GALNTL6: variants seen among roughly 807,000 people sequenced by gnomAD.
GALNTL6 encodes polypeptide N-acetylgalactosaminyltransferase-like 6.
In GALNTL6, 46 loss-of-function variants were observed where a neutral mutation model predicts 73.7. The observed-to-expected ratio is 0.62, with a 90% CI of 0.49 to 0.80. The LOEUF is 0.80. Among genes scored for constraint, GALNTL6 ranks in the 30% least tolerant of loss-of-function variants. The pLI is 0.00. For missense variants in GALNTL6, 604 were observed against 755.0 expected (o/e 0.80, Z 2.34); for synonymous variants, 259 against 263.7 (o/e 0.98, Z 0.17).
intron 5 of GALNTL6, among the ~76,000 whole-genome samples, chr4:172,555,925 A>T (rs1369882677): frequency 1.3e-5 from 2 of 152,092 alleles, no homozygotes; most frequent in Non-Finnish European, 2.9e-5. Context: ...GCTAAATGCT[A>T]ACTATATTAT....
At chr4:171,951,334 T>C (rs1211587931) in intron 2 of GALNTL6, among the ~76,000 whole-genome samples, 3 of 152,052 alleles carry the variant, frequency 2.0e-5, no homozygotes, top group Admixed American at 6.6e-5. Context: ...ATGTAAGTAT[T>C]ATAATGCTTA....
chr4:172,009,870 C>T (rs1560883245), intron 2 of GALNTL6, among the ~76,000 whole-genome samples: 2 of 152,194 alleles, frequency 1.3e-5, no homozygotes, highest in Non-Finnish European at 2.9e-5. Flanking sequence ...GCCTGGGCAA[C>T]TTCACAAACC....
At chr4:172,067,334 G>T (rs1053620166) in intron 2 of GALNTL6, among the ~76,000 whole-genome samples, 1 of 151,684 alleles carries the variant, frequency 6.6e-6, no homozygotes, top group South Asian at 2.1e-4. Flanking sequence ...CCCTCTACTC[G>T]CCTCTTTCCT....
At chr4:172,489,798 T>G (rs1380285535) in intron 5 of GALNTL6, among the ~76,000 whole-genome samples, 1 of 152,230 alleles carries the variant, frequency 6.6e-6, no homozygotes, top group Non-Finnish European at 1.5e-5. Context: ...TAACACACAC[T>G]GATTTTCTGG....
In GALNTL6 at chr4:172,665,248, A is replaced by G. The variant is rs569191819; in HGVS notation, c.554-144113A>G. On this transcript the variant is annotated intron_variant, in intron 5 of 12. Transcript: ENST00000506823. ...TGTATCCATCGGATTAGGCTAGGGCATGCTGCGGGCCTCTGCTTATCAATC... is the reference window on the plus strand; with the variant it reads ...TGTATCCATCGGATTAGGCTAGGGCGTGCTGCGGGCCTCTGCTTATCAATC... Among the ~76,000 whole-genome samples the G allele has an allele frequency of 1.3e-4, 20 of 152,332 alleles. No individual in the cohort carries two copies. The East Asian group carries it at 3.7e-3, about 28-fold the overall frequency.
At chr4:172,791,580 G>C (rs1028516901) in intron 5 of GALNTL6, among the ~76,000 whole-genome samples, 11 of 152,204 alleles carry the variant, frequency 7.2e-5, no homozygotes, top group African/African-American at 2.7e-4. Context: ...TGCTCTAAGA[G>C]GGGTTGTGAG....
intron 5 of GALNTL6, among the ~76,000 whole-genome samples, chr4:172,790,405 C>G (rs1336296916): frequency 6.6e-6 from 1 of 152,268 alleles, no homozygotes; most frequent in East Asian, 1.9e-4. Context: ...AAATTTTTCT[C>G]TCTCTGCCCA....
chr4:172,168,154 C>T (rs1453384052), intron 2 of GALNTL6, among the ~76,000 whole-genome samples: 2 of 152,164 alleles, frequency 1.3e-5, no homozygotes. Context: ...AGTTTTAAGC[C>T]TTTGAGCCTT....
chr4:171,870,399 G>A (rs1736105876), intron 2 of GALNTL6, among the ~76,000 whole-genome samples: 1 of 152,182 alleles, frequency 6.6e-6, no homozygotes, highest in African/African-American at 2.4e-5. Context: ...ATGTACCCAT[G>A]CCCTTGATGA....
intron 6 of GALNTL6, among the ~76,000 whole-genome samples, chr4:172,812,681 T>C (rs1741378356): frequency 6.6e-6 from 1 of 152,076 alleles, no homozygotes; most frequent in African/African-American, 2.4e-5. Context: ...GGTTTAAAAT[T>C]GGATTGTTAA....
chr4:172,691,514 T>TA, intron 5 of GALNTL6, among the ~76,000 whole-genome samples: 1 of 152,320 alleles, frequency 6.6e-6, no homozygotes, highest in East Asian at 1.9e-4. Context: ...TAAATAATGT[T>TA]ACCTTAATAG....
chr4:172,080,189 T>C (rs1731835527), intron 2 of GALNTL6, among the ~76,000 whole-genome samples: 1 of 151,398 alleles, frequency 6.6e-6, no homozygotes, highest in African/African-American at 2.4e-5. Context: ...TTATTTAAAA[T>C]TTTTTCTTAG....
chr4:172,409,889 T>A (rs543222177), intron 5 of GALNTL6, among the ~76,000 whole-genome samples: 1 of 152,180 alleles, frequency 6.6e-6, no homozygotes, highest in South Asian at 2.1e-4. Context: ...TGAGCATCTA[T>A]AATGTGCTAA....
intron 5 of GALNTL6, among the ~76,000 whole-genome samples, chr4:172,733,348 T>A (rs1736264735): frequency 6.6e-6 from 1 of 152,198 alleles, no homozygotes; most frequent in African/African-American, 2.4e-5. Flanking sequence ...GCTTTTAGGA[T>A]CTTCTCTTTG....
intron 5 of GALNTL6, among the ~76,000 whole-genome samples, chr4:172,487,356 TTCC>T (rs1329736632): frequency 0.1 from 13,736 of 136,064 alleles, 823 homozygotes; most frequent in Non-Finnish European, 0.15. Flanking sequence ...CTTTCTTTCT[TTCC>T]TTCTTTCCTT....
chr4:171,826,481 C>T (rs1420887115), intron 2 of GALNTL6, among the ~76,000 whole-genome samples: 1 of 152,072 alleles, frequency 6.6e-6, no homozygotes, highest in Non-Finnish European at 1.5e-5. Flanking sequence ...CAAAACATCC[C>T]TCACAATAAT....
intron 3 of GALNTL6, among the ~76,000 whole-genome samples, chr4:172,244,334 C>G (rs185015648): frequency 2.8e-4 from 43 of 152,036 alleles, no homozygotes; most frequent in Admixed American, 2.6e-3. Flanking sequence ...AGGAAAAATC[C>G]CTTCAATCTT....
chr4:172,194,319 A>G (rs1178080078), intron 2 of GALNTL6, among the ~76,000 whole-genome samples: 4 of 152,198 alleles, frequency 2.6e-5, no homozygotes, highest in Non-Finnish European at 4.4e-5. Context: ...AGACTGAACC[A>G]ACAACAAATT....
intron 2 of GALNTL6, among the ~76,000 whole-genome samples, chr4:172,161,542 G>A (rs1001976510): frequency 8.6e-5 from 13 of 151,972 alleles, no homozygotes; most frequent in African/African-American, 3.1e-4. Flanking sequence ...ATCATTCAAT[G>A]AGAATAAGGG....
Sources: gnomAD v4.1 joint callset for allele counts (sites outside exome capture counted in the v4.1 genomes callset) on GRCh38, gnomAD v4.1.1 for gene constraint, MANE v1.5 for transcripts, NCBI Gene and HGNC (gene_info 2026-07-23, HGNC 2026-07-21) for gene names.